HMX1: variants seen among roughly 807,000 people sequenced by gnomAD.
The protein encoded by HMX1 is homeobox protein HMX1.
Under a neutral mutation model 8.9 loss-of-function variants are expected in HMX1, and 8 were observed. The observed-to-expected ratio is 0.90, with a 90% CI of 0.53 to 1.63. The LOEUF (loss-of-function observed/expected upper bound fraction) is 1.63, where lower values mean the gene tolerates loss of function less well. Ranked by LOEUF, HMX1 falls within the 40% of genes most tolerant of loss-of-function variation. The pLI is 0.00. For synonymous variants in HMX1, 311 were observed against 283.4 expected (o/e 1.10, Z -0.98); for missense variants, 621 against 558.5 (o/e 1.11, Z -1.13).
chr4:8,858,149 G>T (rs933619878), intron 1 of HMX1, among the ~76,000 whole-genome samples: 2 of 152,154 alleles, frequency 1.3e-5, no homozygotes, highest in Non-Finnish European at 2.9e-5. Context: ...CCATTTGGGG[G>T]AAATGGATTT....
At chr4:8,865,361 C>G (rs953015772), downstream of HMX1, among the ~76,000 whole-genome samples, 9 of 152,156 alleles carry the variant, frequency 5.9e-5, no homozygotes, top group African/African-American at 2.2e-4. Flanking sequence ...GTGCGAGTGC[C>G]CGAGGCCTCG....
Position 8,870,806 on chromosome 4 carries a change from C to G in HMX1, c.394+415G>C, listed in dbSNP as rs963734630. ...TTTTTCCTGCATCTTCCCCTCCCCC[C>G]ACCCCATTCTCTCTCCCGCAGCACA... is the stretch of plus-strand genomic sequence containing the variant. On this transcript the variant is annotated intron_variant, in intron 1 of 1. Coordinates refer to ENST00000400677, the MANE Select transcript of HMX1 (RefSeq NM_018942.3). This position sits in a 1 kb window ranked among gnomAD's most constrained non-coding sequence, Gnocchi z 4.4. Among the ~76,000 whole-genome samples, 1 of 120,474 alleles carries G rather than the reference C, an allele frequency of 8.3e-6. No individual in the cohort carries two copies. Among genetic ancestry groups the G allele is most frequent in the African/African-American group, 3.1e-5 (1 of 32,478 alleles). The allele number at this position is 120,474 out of a possible 152,430, so 79.0% of individuals were successfully genotyped here.
At chr4:8,855,958 C>T (rs890730710) in intron 1 of HMX1, among the ~76,000 whole-genome samples, 1 of 152,228 alleles carries the variant, frequency 6.6e-6, no homozygotes, top group Non-Finnish European at 1.5e-5. Flanking sequence ...GATCTACGCC[C>T]TCCAGCGGAC....
chr4:8,846,399 C>T (rs1560162119), intron 1 of HMX1: 2 of 1,165,754 alleles, frequency 1.7e-6, no homozygotes, highest in Non-Finnish European at 2.4e-6. Context: ...CTGGATGCTC[C>T]ACTGCCAGCC....
At position 8,853,960 on chromosome 4, in the gene HMX1, G is replaced by A. The variant is rs182423714; in HGVS notation, c.395-7636C>T. Among the ~76,000 whole-genome samples the A allele has an allele frequency of 5.9e-5, 9 of 152,210 alleles. No individual in the cohort carries two copies. The highest frequency in any genetic ancestry group is 6.8e-3 in the Middle Eastern group (2 of 294). ...TTTTTATAAAGCTTTTTGCTTTTGC[G>A]TTTACATCTTGAACCAGCCTGAGAG... On this transcript the variant is annotated intron_variant, in intron 1 of 1. Coordinates refer to the HMX1 transcript ENST00000506970. This position sits in a 1 kb window ranked among gnomAD's most constrained non-coding sequence, Gnocchi z 4.7.
At chr4:8,861,183 C>T (rs1721801588) in intron 1 of HMX1, among the ~76,000 whole-genome samples, 1 of 152,152 alleles carries the variant, frequency 6.6e-6, no homozygotes, top group African/African-American at 2.4e-5. Context: ...CTGCCCTCCT[C>T]TACCTGCTGG....
downstream of HMX1, among the ~76,000 whole-genome samples, chr4:8,865,500 G>A (rs1169088854): frequency 6.6e-6 from 1 of 151,036 alleles, no homozygotes; most frequent in Admixed American, 6.6e-5. Flanking sequence ...CGGAGGCTCC[G>A]CGGTGTCGCC....
At chr4:8,852,459 CAG>C (rs1171531829) in intron 1 of HMX1, among the ~76,000 whole-genome samples, 2 of 152,212 alleles carry the variant, frequency 1.3e-5, no homozygotes, top group East Asian at 1.9e-4. Flanking sequence ...AGCCAGGAAA[CAG>C]GGGGCTGAGA....
rs1577202030 is a variant in HMX1, at chr4:8,870,706, C to T, written c.394+515G>A. ...CTCAATGCCCCCTTTTATTTTTCCACGTCTGATGCTACTTTGTCTCCCTTT... is the reference window on the plus strand; with the variant it reads ...CTCAATGCCCCCTTTTATTTTTCCATGTCTGATGCTACTTTGTCTCCCTTT... On this transcript the variant is annotated intron_variant, in intron 1 of 1. Coordinates refer to ENST00000400677, the MANE Select transcript of HMX1 (RefSeq NM_018942.3). This position sits in a 1 kb window ranked among gnomAD's most constrained non-coding sequence, Gnocchi z 4.4. Among the ~76,000 whole-genome samples the T allele has an allele frequency of 6.6e-6, 1 of 151,474 alleles. No individual in the cohort carries two copies. Among genetic ancestry groups the T allele is most frequent in the East Asian group, 2.0e-4 (1 of 5,084 alleles).
In HMX1 at chr4:8,849,654, C is replaced by A. The variant is rs1721384423; in HGVS notation, c.395-3330G>T. 6.6e-6 allele frequency among the ~76,000 whole-genome samples: 1 copy of A among 152,012 alleles called. No homozygotes were observed. Among genetic ancestry groups the A allele is most frequent in the African/African-American group, 2.4e-5 (1 of 41,378 alleles). On this transcript the variant is annotated intron_variant, in intron 1 of 1. Coordinates refer to the HMX1 transcript ENST00000506970. The surrounding 1 kb of genome is among the most constrained non-coding windows in gnomAD (Gnocchi z 6.6). ...ACACGCAGGGCAGCTCTCCTGGGGT[C>A]CCCCCGGCCCCAGCGTGCGGTCTTC... is the stretch of plus-strand genomic sequence containing the variant.
rs1221678580 is a variant in HMX1 at position 8,867,765 on chromosome 4, G to C, written c.975C>G (p.Ala325=). The C allele has an allele frequency of 1.6e-6, 2 of 1,281,172 alleles. No individual in the cohort carries two copies. Among genetic ancestry groups the C allele is most frequent in the African/African-American group, 1.5e-5 (1 of 64,818 alleles). 79.4% of individuals were successfully genotyped at this position (1,281,172 alleles called of 1,614,324 possible). The change falls in exon 2 of 2, where the codon GCC becomes GCG. Residue 325 remains alanine (A), a synonymous_variant. Coordinates refer to ENST00000400677, the MANE Select transcript of HMX1 (RefSeq NM_018942.3). ...CGGCCGGGAAGGCGGCCAGCGGGTA[G>C]GCGAGGGCCCCGGAGAAGCCGAGCA... ...PPLLGFSGAL[A]YPLAAFPAAA...
intron 1 of HMX1, among the ~76,000 whole-genome samples, chr4:8,858,228 C>A (rs1252143631): frequency 1.3e-5 from 2 of 152,066 alleles, no homozygotes; most frequent in African/African-American, 4.8e-5. Flanking sequence ...CGGTTACGCG[C>A]GCGGAGCTGG....
At chr4:8,863,894 G>A (rs4612014), downstream of HMX1, among the ~76,000 whole-genome samples, 3 of 152,210 alleles carry the variant, frequency 2.0e-5, no homozygotes, top group African/African-American at 4.8e-5. Flanking sequence ...GGACAGGACC[G>A]TTAAGCCCAG....
In HMX1 at chr4:8,851,714, C is replaced by G. The variant is rs145257525; in HGVS notation, c.395-5390G>C. On this transcript the variant is annotated intron_variant, in intron 1 of 1. Transcript: ENST00000506970. ...CCTGTGGGCCAGTCACTGGGCCTCTCGGGGCCTCCATTTCTCCATCATAAA... is the reference window on the plus strand; with the variant it reads ...CCTGTGGGCCAGTCACTGGGCCTCTGGGGGCCTCCATTTCTCCATCATAAA... 3.9e-3 allele frequency among the ~76,000 whole-genome samples: 595 copies of G among 152,332 alleles called. 13 individuals carry two copies. In the East Asian group the frequency reaches 0.066, roughly 17 times the overall value.
rs994969422 is a variant in HMX1 at position 8,849,786 on chromosome 4, A to G, written c.395-3462T>C. Among the ~76,000 whole-genome samples, 1 of 151,702 alleles carries G rather than the reference A, an allele frequency of 6.6e-6. No homozygotes were observed. The highest frequency in any genetic ancestry group is 2.4e-5 in the African/African-American group (1 of 41,058). On this transcript the variant is annotated intron_variant, in intron 1 of 1. Coordinates refer to the HMX1 transcript ENST00000506970. This position sits in a 1 kb window ranked among gnomAD's most constrained non-coding sequence, Gnocchi z 6.6. ...AGGAAGAAATGGGGACCCTCACAGG[A>G]GGTCTCTGAGCTGGAACAGCCCCTC...
At position 8,870,824 on chromosome 4, in the gene HMX1, G is replaced by A. The variant is rs1722187160; in HGVS notation, c.394+397C>T. 1.7e-5 allele frequency among the ~76,000 whole-genome samples: 2 copies of A among 116,114 alleles called. No homozygotes were observed. The highest frequency in any genetic ancestry group is 7.0e-5 in the African/African-American group (2 of 28,442). 76.2% of individuals were successfully genotyped at this position (116,114 alleles called of 152,430 possible). ...CTCCCCCCACCCCATTCTCTCTCCCGCAGCACATTCCTTTCTTCCTCCATC... is the reference window on the plus strand; with the variant it reads ...CTCCCCCCACCCCATTCTCTCTCCCACAGCACATTCCTTTCTTCCTCCATC... On this transcript the variant is annotated intron_variant, in intron 1 of 1. Coordinates refer to ENST00000400677, the MANE Select transcript of HMX1 (RefSeq NM_018942.3). The surrounding 1 kb of genome is among the most constrained non-coding windows in gnomAD (Gnocchi z 4.4).
At chr4:8,856,880 G>A (rs1721624089) in intron 1 of HMX1, among the ~76,000 whole-genome samples, 1 of 152,194 alleles carries the variant, frequency 6.6e-6, no homozygotes, top group Non-Finnish European at 1.5e-5. Flanking sequence ...CTTGAGCTTA[G>A]GAGTTCACGA....
chr4:8,869,759 T>C (rs1438530525), intron 1 of HMX1, among the ~76,000 whole-genome samples: 1 of 152,050 alleles, frequency 6.6e-6, no homozygotes, highest in Non-Finnish European at 1.5e-5. Context: ...CACAAGGCAC[T>C]AGGCTGACTT....
At chr4:8,863,998 C>T (rs1214318952), downstream of HMX1, among the ~76,000 whole-genome samples, 1 of 152,198 alleles carries the variant, frequency 6.6e-6, no homozygotes, top group African/African-American at 2.4e-5. Flanking sequence ...ATGCCCAACA[C>T]TGGGGCAGGG....
Sources: allele counts gnomAD v4.1 joint callset (sites outside exome capture counted in the v4.1 genomes callset), GRCh38; gene constraint gnomAD v4.1.1; non-coding constraint Gnocchi (gnomAD v3.1); transcripts MANE v1.5; gene names NCBI Gene and HGNC (gene_info 2026-07-23, HGNC 2026-07-21).